ALS2CL: variants seen among roughly 807,000 people sequenced by gnomAD.
ALS2CL encodes ALS2 C-terminal like, also known as ALS2 C-terminal-like protein.
ALS2CL carries 112 observed loss-of-function variants against 127.9 expected under a neutral mutation model. The observed-to-expected ratio is 0.88, with a 90% CI of 0.75 to 1.02. The LOEUF (loss-of-function observed/expected upper bound fraction) is 1.02. Ranked by LOEUF, ALS2CL falls within the 50% of genes least tolerant of loss-of-function variation. The pLI, the probability that ALS2CL is intolerant of heterozygous loss-of-function variation, is 0.00. For synonymous variants in ALS2CL, 519 were observed against 527.6 expected (o/e 0.98, Z 0.22); for missense variants, 1,174 against 1,236.7 (o/e 0.95, Z 0.76).
intron 15 of ALS2CL, among the ~76,000 whole-genome samples, 171 bp downstream of exon 15, chr3:46,679,039 A>C (rs1699105874): frequency 6.6e-6 from 1 of 152,036 alleles, no homozygotes; most frequent in African/African-American, 2.4e-5. Context: ...CTCACTCCAG[A>C]ATCAATCGCA....
chr3:46,678,526 C>T (rs1299037305), intron 15 of ALS2CL, 137 bp from the exon 16 acceptor site: 1 of 1,188,374 alleles, frequency 8.4e-7, no homozygotes, highest in Non-Finnish European at 1.1e-6. Flanking sequence ...TCCATTCAAG[C>T]TGCTCCATGC....
At chr3:46,680,355 C>G in intron 14 of ALS2CL, 75 bp downstream of exon 14, 3 of 1,459,814 alleles carry the variant, frequency 2.1e-6, no homozygotes, top group African/African-American at 1.4e-5. Context: ...CCCTGAAAGG[C>G]CTCAGCTCAG....
chr3:46,674,471 T>G (rs530756723), intron 21 of ALS2CL, 95 bp downstream of exon 21: 1 of 1,483,870 alleles, frequency 6.7e-7, no homozygotes, highest in African/African-American at 1.4e-5. Context: ...GGTGGGTACA[T>G]GAACCTATCA....
chr3:46,671,842 A>ACCCTGCCCCTG, intron 24 of ALS2CL, 42 bp downstream of exon 24: 3 of 1,608,678 alleles, frequency 1.9e-6, no homozygotes, highest in East Asian at 2.2e-5. Flanking sequence ...TGGGGGTGGG[A>ACCCTGCCCCTG]CCCTGCCCCT....
chr3:46,677,202 G>A (rs1698923586), intron 16 of ALS2CL, 180 bp from the exon 17 acceptor site: 5 of 1,423,874 alleles, frequency 3.5e-6, no homozygotes, highest in South Asian at 1.5e-5. Context: ...AGGAGGAAGA[G>A]CAGCAGAGAA....
Position 46,671,948 on chromosome 3 carries a change from G to A in ALS2CL, c.2620C>T (p.Arg874Trp), listed in dbSNP as rs769749697. 19 of 1,613,732 alleles carry A rather than the reference G, an allele frequency of 1.2e-5. No homozygotes were observed. The highest frequency in any genetic ancestry group is 3.3e-5 in the South Asian group (3 of 91,072). ...TCGTCCATGGGCAGCTTGTACTCCCGGCCCAATACCCTCGACACCGTGCCC... is the reference window on the plus strand; with the variant it reads ...TCGTCCATGGGCAGCTTGTACTCCCAGCCCAATACCCTCGACACCGTGCCC... The part of the protein sequence containing the change: ...IEGTVSRVLG[R>W]EYKLPMDDLL... Residue 874 changes from arginine to tryptophan, a missense_variant, in exon 24 of 26, where the codon CGG becomes TGG. Physicochemically the swap from Arg to Trp is moderately radical, Grantham distance 101. Coordinates refer to ENST00000318962, the MANE Select transcript of ALS2CL (RefSeq NM_147129.5).
chr3:46,673,227 C>G, intron 22 of ALS2CL, 112 bp downstream of exon 22: 6 of 703,082 alleles, frequency 8.5e-6, no homozygotes, highest in East Asian at 3.7e-5. Flanking sequence ...ACCCACCCTG[C>G]CCCTCCCCAG....
rs749080631 is a variant in ALS2CL, at chr3:46,671,511, C to CA, written c.2757dup (p.Asp920Ter). On this transcript the variant is annotated frameshift_variant, in exon 25 of 26. Coordinates refer to ENST00000318962, the MANE Select transcript of ALS2CL (RefSeq NM_147129.5). LOFTEE classifies it high-confidence loss of function. ...ACCTCCAGGGCTGTGAGCAGGAAGT[C>CA]ATACAGGCCTCCTGTGTGGTTGGGG... 9 of 1,613,952 alleles carry CA rather than the reference C, an allele frequency of 5.6e-6. No individual in the cohort carries two copies. The Admixed American group carries it at 1.2e-4, about 21-fold the overall frequency.
rs371464505 is a variant in ALS2CL, at chr3:46,675,577, C to G, written c.2255+41G>C. On this transcript the variant is annotated intron_variant, in intron 20 of 25. Transcript: ENST00000318962. ...TCCTAGGAGCAGACGCATGAGGCCT[C>G]CCTGGACACGGCAGGCCCCAAGGAG... 1.2e-5 allele frequency: 19 copies of G among 1,598,414 alleles called. No homozygotes were observed. In the African/African-American group the frequency reaches 2.4e-4, roughly 20 times the overall value.
At chr3:46,685,908 T>C (rs1227699184) in intron 6 of ALS2CL, among the ~76,000 whole-genome samples, 4 of 152,194 alleles carry the variant, frequency 2.6e-5, no homozygotes, top group African/African-American at 9.7e-5. Context: ...CGGCCACCCC[T>C]GCCTCCCTTC....
Position 46,677,035 on chromosome 3 carries a change from T to A in ALS2CL, c.1758-13A>T. The A allele has an allele frequency of 6.3e-7, 1 of 1,589,760 alleles. No homozygotes were observed. The highest frequency in any genetic ancestry group is 8.6e-7 in the Non-Finnish European group (1 of 1,168,626). ...CACGCCCAGCTGCCTGCGATGGGGA[T>A]GGAGGGTGGGTGATGGGGCAGAGAG... is the stretch of plus-strand genomic sequence containing the variant. On this transcript the variant is annotated splice_polypyrimidine_tract_variant and intron_variant, in intron 16 of 25. Transcript: ENST00000318962.
chr3:46,679,372 G>T, intron 14 of ALS2CL, 85 bp from the exon 15 acceptor site: 1 of 1,213,668 alleles, frequency 8.2e-7, no homozygotes, highest in Non-Finnish European at 1.2e-6. Flanking sequence ...GGCCAAAGAA[G>T]GGAGATGTGC....
chr3:46,688,581 T>C (rs1206277214), intron 2 of ALS2CL, among the ~76,000 whole-genome samples: 2 of 152,152 alleles, frequency 1.3e-5, no homozygotes, highest in African/African-American at 2.4e-5. Context: ...GGGAACTAAG[T>C]ACATACACGA....
chr3:46,677,374 TC>T (rs1698944517), intron 16 of ALS2CL: 2 of 1,083,526 alleles, frequency 1.8e-6, no homozygotes, highest in Non-Finnish European at 2.2e-6. Context: ...CTCCAAGACA[TC>T]CCCCTCTGCC....
rs763720883 is a variant in ALS2CL, at chr3:46,687,107, A to G, written c.410T>C (p.Leu137Pro). 6 of 1,576,812 alleles carry G rather than the reference A, an allele frequency of 3.8e-6. No homozygotes were observed. Among genetic ancestry groups the G allele is most frequent in the Non-Finnish European group, 5.1e-6 (6 of 1,169,212 alleles). The change falls in exon 5 of 26, where the codon CTT becomes CCT. Residue 137 changes from leucine (L) to proline (P), a missense_variant. Transcript: ENST00000318962. ...RGQRKALRQL[L>P]SGVSSEGSVG... ...CGAGCCCTCTGAGCTCACACCTGAA[A>G]GCAGCTGCCGCAGCGCCTTCCGCTG...
At chr3:46,693,203 T>C (rs1489047282) in intron 1 of ALS2CL, among the ~76,000 whole-genome samples, 1 of 152,264 alleles carries the variant, frequency 6.6e-6, no homozygotes, top group African/African-American at 2.4e-5. Context: ...TTCCTCTCCC[T>C]GCCCAGGCAC....
chr3:46,674,262 G>A (rs776609288), intron 21 of ALS2CL, among the ~76,000 whole-genome samples: 13 of 152,244 alleles, frequency 8.5e-5, no homozygotes, highest in Non-Finnish European at 1.6e-4. Context: ...TGAGGGAGCT[G>A]TTGGAAGGCA....
intron 25 of ALS2CL, 30 bp from the exon 26 acceptor site, chr3:46,671,094 G>A (rs200979337): frequency 2.5e-6 from 4 of 1,602,566 alleles, no homozygotes; most frequent in Admixed American, 3.3e-5. Flanking sequence ...GCTGAGGCCA[G>A]TTGACCTGCC....
At chr3:46,677,123 G>A in intron 16 of ALS2CL, 101 bp from the exon 17 acceptor site, 1 of 1,493,434 alleles carries the variant, frequency 6.7e-7, no homozygotes, top group Non-Finnish European at 8.8e-7. Context: ...TATGAGCCTG[G>A]CCCAGGATCA....
Sources: allele counts gnomAD v4.1 joint callset (sites outside exome capture counted in the v4.1 genomes callset), GRCh38; gene constraint gnomAD v4.1.1; transcripts MANE v1.5; gene names NCBI Gene and HGNC (gene_info 2026-07-23, HGNC 2026-07-21).